The following NRP2 variants were observed in gnomAD, a reference collection of about 807,000 sequenced individuals.
The protein encoded by NRP2 is neuropilin 2, also known as neuropilin-2.
A neutral mutation model predicts 110.4 loss-of-function variants in NRP2; 52 were observed. The ratio of observed to expected loss-of-function variants is 0.47; its 90% CI spans 0.38 to 0.59. The LOEUF is 0.59. Ranked by LOEUF, NRP2 falls within the 20% of genes least tolerant of loss-of-function variation. The pLI is 0.00. For missense variants in NRP2, 1,049 were observed against 1,203.0 expected (o/e 0.87, Z 1.89); for synonymous variants, 508 against 468.9 (o/e 1.08, Z -1.08).
chr2:205,720,127 G>A (rs1460150855), intron 3 of NRP2, among the ~76,000 whole-genome samples: 1 of 152,164 alleles, frequency 6.6e-6, no homozygotes, highest in Non-Finnish European at 1.5e-5. Context: ...AGAGATGAAT[G>A]CATGATGTTA....
chr2:205,726,198 G>A, intron 6 of NRP2, 116 bp downstream of exon 6: 1 of 1,040,046 alleles, frequency 9.6e-7, no homozygotes, highest in Non-Finnish European at 1.5e-6. Context: ...GCATACCTGA[G>A]AACTCCATTC....
At chr2:205,690,716 G>T (rs1283367807) in intron 1 of NRP2, among the ~76,000 whole-genome samples, 1 of 151,960 alleles carries the variant, frequency 6.6e-6, no homozygotes, top group Admixed American at 6.6e-5. Context: ...GGAGGCGGAG[G>T]TTGCAGTGGG....
intron 6 of NRP2, among the ~76,000 whole-genome samples, chr2:205,727,453 CTA>C (rs1043390957): frequency 8.5e-5 from 13 of 152,172 alleles, no homozygotes; most frequent in Non-Finnish European, 1.5e-4. Flanking sequence ...GGGGATGCCT[CTA>C]TGAGTGTGAC....
In NRP2 at chr2:205,739,199, C is replaced by G. The variant is rs569956337; in HGVS notation, c.1147-1320C>G. Among the ~76,000 whole-genome samples, 147 of 152,272 alleles carry G rather than the reference C, an allele frequency of 9.7e-4. 1 individual carries two copies. The highest frequency in any genetic ancestry group is 3.4e-3 in the African/African-American group (141 of 41,544). ...ACTTTAAGGGCCCCATGACTCCCAG[C>G]CACCAGCATAAACACTGCAAATGTG... On this transcript the variant is annotated intron_variant, in intron 7 of 16. Transcript: ENST00000357785.
chr2:205,695,422 C>T (rs1403570582), intron 1 of NRP2, among the ~76,000 whole-genome samples: 1 of 151,956 alleles, frequency 6.6e-6, no homozygotes, highest in Admixed American at 6.5e-5. Context: ...AAGTTTAAAC[C>T]TGGGGTGTGG....
chr2:205,748,090 C>T (rs933972564), intron 10 of NRP2, among the ~76,000 whole-genome samples: 7 of 152,134 alleles, frequency 4.6e-5, no homozygotes, highest in African/African-American at 1.4e-4. Flanking sequence ...CGTTCCTCCA[C>T]TTTCATTTAC....
intron 7 of NRP2, among the ~76,000 whole-genome samples, chr2:205,739,258 T>G (rs1315184978): frequency 6.6e-6 from 1 of 152,146 alleles, no homozygotes; most frequent in Non-Finnish European, 1.5e-5. Context: ...ACCTAAAAAC[T>G]TGGCAAGGAT....
At chr2:205,701,160 T>C (rs1300401318) in intron 2 of NRP2, 2 of 158,076 alleles carry the variant, frequency 1.3e-5, no homozygotes, top group African/African-American at 2.4e-5. Flanking sequence ...CTGCATGTAA[T>C]ACACAGCTTG....
intron 7 of NRP2, among the ~76,000 whole-genome samples, chr2:205,735,700 G>GA (rs1188290615): frequency 6.6e-6 from 1 of 151,934 alleles, no homozygotes. Context: ...GTGCAAATCA[G>GA]AAAATCCAGG....
At chr2:205,785,510 G>T (rs1288708783) in intron 15 of NRP2, among the ~76,000 whole-genome samples, 1 of 152,192 alleles carries the variant, frequency 6.6e-6, no homozygotes, top group Non-Finnish European at 1.5e-5. Context: ...AGAGCCAATT[G>T]CTTGTTCACA....
intron 15 of NRP2, among the ~76,000 whole-genome samples, chr2:205,783,820 C>G (rs1454102664): frequency 4.6e-5 from 7 of 152,220 alleles, no homozygotes; most frequent in Admixed American, 3.3e-4. Context: ...AGTGTCATAA[C>G]AAAGTGGCTT....
intron 7 of NRP2, among the ~76,000 whole-genome samples, chr2:205,735,614 G>A (rs958821536): frequency 2.9e-5 from 3 of 103,642 alleles, no homozygotes; most frequent in Non-Finnish European, 6.4e-5. Flanking sequence ...TTCTTTGCCT[G>A]GGAGTGTAGA....
At chr2:205,780,385 A>G (rs555838269) in intron 15 of NRP2, among the ~76,000 whole-genome samples, 33 of 152,350 alleles carry the variant, frequency 2.2e-4, no homozygotes, top group African/African-American at 6.7e-4. Context: ...CTTACTCAGA[A>G]GGCCAGGTCT....
intron 10 of NRP2, among the ~76,000 whole-genome samples, chr2:205,747,549 T>C (rs2057560235): frequency 6.6e-6 from 1 of 152,140 alleles, no homozygotes; most frequent in Non-Finnish European, 1.5e-5. Flanking sequence ...CTCCAAAATA[T>C]TATAGTCGGT....
rs761958676 is a variant in NRP2, at chr2:205,722,524, C to T, written c.480C>T (p.Ile160=). Residue 160 remains isoleucine, a synonymous_variant, in exon 4 of 17, where the codon ATC becomes ATT. Transcript: ENST00000357785. ...SKNFTSPNGT[I]ESPGFPEKYP... is the part of the protein sequence containing the mutation. Reference sequence around the variant, plus strand: ...ACTTCACAAGCCCCAACGGGACCATCGAATCTCCTGGGTTTCCTGAGAAGT... The same window carrying T: ...ACTTCACAAGCCCCAACGGGACCATTGAATCTCCTGGGTTTCCTGAGAAGT... 37 of 1,614,222 alleles carry T rather than the reference C, an allele frequency of 2.3e-5. No homozygotes were observed. The highest frequency in any genetic ancestry group is 9.9e-5 in the South Asian group (9 of 91,080).
intron 11 of NRP2, among the ~76,000 whole-genome samples, chr2:205,750,428 C>T (rs887723173): frequency 2.6e-5 from 4 of 152,138 alleles, no homozygotes; most frequent in Admixed American, 1.3e-4. Context: ...GAGACAAAGG[C>T]GGAAATGTAA....
intron 2 of NRP2, among the ~76,000 whole-genome samples, chr2:205,698,237 C>T (rs1175242748): frequency 1.3e-5 from 2 of 150,954 alleles, no homozygotes; most frequent in Admixed American, 6.6e-5. Context: ...AAAAAAAAAT[C>T]TAAGTAGTTC....
At chr2:205,736,503 G>T (rs553121861) in intron 7 of NRP2, among the ~76,000 whole-genome samples, 11 of 152,202 alleles carry the variant, frequency 7.2e-5, no homozygotes, top group Non-Finnish European at 1.3e-4. Flanking sequence ...AAAATTGTTG[G>T]CCTGAAGGTG....
chr2:205,719,791 T>C (rs1199472102), intron 3 of NRP2, among the ~76,000 whole-genome samples: 1 of 152,082 alleles, frequency 6.6e-6, no homozygotes, highest in Non-Finnish European at 1.5e-5. Context: ...CTATAGATTC[T>C]TCTACTTGCA....
Sources: allele counts gnomAD v4.1 joint callset (sites outside exome capture counted in the v4.1 genomes callset), GRCh38; gene constraint gnomAD v4.1.1; transcripts MANE v1.5; gene names NCBI Gene and HGNC (gene_info 2026-07-23, HGNC 2026-07-21).